Variants in STXBP5L observed in about 807,000 individuals in gnomAD.
The protein encoded by STXBP5L is syntaxin binding protein 5L.
In STXBP5L, 65 loss-of-function variants were observed where a neutral mutation model predicts 144.5. The ratio of observed to expected loss-of-function variants is 0.45; its 90% CI spans 0.37 to 0.55. The LOEUF is 0.55. Ranked by LOEUF, STXBP5L falls within the 20% of genes least tolerant of loss-of-function variation. The pLI is 0.00. For synonymous variants in STXBP5L, 505 were observed against 469.6 expected, an observed-to-expected ratio of 1.08 and a Z score of -0.97; for missense variants, 1,298 against 1,405.5, an observed-to-expected ratio of 0.92 and a Z score of 1.22.
chr3:121,018,153 G>A (rs1321724683), intron 3 of STXBP5L, among the ~76,000 whole-genome samples: 1 of 152,132 alleles, frequency 6.6e-6, no homozygotes, highest in African/African-American at 2.4e-5. Context: ...TGTCAAGATT[G>A]AGTTCTTTCC....
At chr3:121,225,106 A>G (rs962358753) in intron 11 of STXBP5L, among the ~76,000 whole-genome samples, 18 of 152,144 alleles carry the variant, frequency 1.2e-4, no homozygotes, top group African/African-American at 4.3e-4. Context: ...TAGGAGATGT[A>G]CTTTAACTCT....
At chr3:121,012,319 G>C (rs180677873) in intron 3 of STXBP5L, among the ~76,000 whole-genome samples, 2 of 151,704 alleles carry the variant, frequency 1.3e-5, no homozygotes, top group East Asian at 3.9e-4. Flanking sequence ...TTTGTCTTGG[G>C]CATGTATTCA....
chr3:121,289,177 G>A (rs1197347485), intron 19 of STXBP5L, among the ~76,000 whole-genome samples: 1 of 151,992 alleles, frequency 6.6e-6, no homozygotes, highest in Non-Finnish European at 1.5e-5. Flanking sequence ...CCATGCAAAT[G>A]GACACCAAAA....
intron 2 of STXBP5L, among the ~76,000 whole-genome samples, chr3:120,948,088 T>A (rs915100372): frequency 6.6e-6 from 1 of 151,814 alleles, no homozygotes; most frequent in Non-Finnish European, 1.5e-5. Context: ...GGGCTCCAAT[T>A]TCTTTACATC....
At chr3:121,367,784 C>G (rs1226773851) in intron 20 of STXBP5L, among the ~76,000 whole-genome samples, 1 of 34,500 alleles carries the variant, frequency 2.9e-5, no homozygotes, top group Non-Finnish European at 5.0e-5. Context: ...AATTTTTTTG[C>G]TTTTCCTTTT....
intron 9 of STXBP5L, among the ~76,000 whole-genome samples, chr3:121,173,321 A>AGT (rs2108070428): frequency 1.8e-5 from 1 of 56,856 alleles, no homozygotes; most frequent in East Asian, 7.1e-4. Context: ...CAGAACTTAA[A>AGT]ATATAATAAT....
intron 23 of STXBP5L, among the ~76,000 whole-genome samples, chr3:121,409,292 G>A (rs2047064851): frequency 6.6e-6 from 1 of 151,862 alleles, no homozygotes; most frequent in Non-Finnish European, 1.5e-5. Flanking sequence ...AGAAAGATAG[G>A]AAAGGACCAG....
At chr3:121,041,559 C>G (rs1425417694) in intron 3 of STXBP5L, 141 bp from the exon 4 acceptor site, 1 of 599,718 alleles carries the variant, frequency 1.7e-6, no homozygotes, top group Non-Finnish European at 3.0e-6. Context: ...TTTACATCTA[C>G]TAAGAGTAAG....
chr3:121,209,242 G>A (rs1041867042), intron 10 of STXBP5L, among the ~76,000 whole-genome samples: 4 of 152,072 alleles, frequency 2.6e-5, no homozygotes, highest in Admixed American at 6.6e-5. Context: ...ACATGTGCAT[G>A]TGTCTTTATA....
intron 5 of STXBP5L, among the ~76,000 whole-genome samples, chr3:121,074,204 G>A (rs570937935): frequency 6.6e-6 from 1 of 152,290 alleles, no homozygotes; most frequent in East Asian, 1.9e-4. Flanking sequence ...AGATGCCCTG[G>A]CTTTCAGGAG....
chr3:121,378,171 G>A (rs146535607), intron 20 of STXBP5L, among the ~76,000 whole-genome samples: 61 of 152,108 alleles, frequency 4.0e-4, no homozygotes, highest in African/African-American at 1.3e-3. Flanking sequence ...GCCTGTCGGG[G>A]GGTGGGGGGA....
intron 5 of STXBP5L, among the ~76,000 whole-genome samples, chr3:121,114,378 C>G (rs2044140888): frequency 1.3e-5 from 2 of 151,846 alleles, no homozygotes; most frequent in Admixed American, 1.3e-4. Flanking sequence ...CTCATGTAGA[C>G]ATAGCTACCA....
intron 5 of STXBP5L, among the ~76,000 whole-genome samples, chr3:121,045,917 G>A (rs1029082691): frequency 6.6e-6 from 1 of 152,138 alleles, no homozygotes; most frequent in African/African-American, 2.4e-5. Context: ...TAGGAATGGT[G>A]AGAGATGGCA....
chr3:121,015,503 A>G (rs1945080195), intron 3 of STXBP5L, among the ~76,000 whole-genome samples: 1 of 152,174 alleles, frequency 6.6e-6, no homozygotes, highest in South Asian at 2.1e-4. Flanking sequence ...ACACTCAAAT[A>G]GTAACTTTTT....
intron 5 of STXBP5L, among the ~76,000 whole-genome samples, chr3:121,056,837 A>G (rs1948494100): frequency 6.6e-6 from 1 of 151,776 alleles, no homozygotes; most frequent in Non-Finnish European, 1.5e-5. Context: ...TACATAAGCC[A>G]AATAGAAAAC....
Position 121,363,563 on chromosome 3 carries a change from C to G in STXBP5L, c.2177-15153C>G, listed in dbSNP as rs1166479078. ...CACTGATTTCAGTGCCTCACAATTG[C>G]TGTTTTCTCCCTCCCTCCCTCCCTG... On this transcript the variant is annotated intron_variant, in intron 20 of 26. Coordinates refer to ENST00000471454, the MANE Select transcript of STXBP5L (RefSeq NM_001308330.2). Among the ~76,000 whole-genome samples the G allele has an allele frequency of 3.9e-5, 6 of 152,098 alleles. No individual in the cohort carries two copies. The East Asian group carries it at 9.6e-4, about 24-fold the overall frequency.
At chr3:121,205,611 T>C (rs1006497987) in intron 9 of STXBP5L, among the ~76,000 whole-genome samples, 13 of 152,208 alleles carry the variant, frequency 8.5e-5, no homozygotes, top group African/African-American at 3.1e-4. Context: ...ACTTATTTTG[T>C]CTTCAAACTT....
intron 3 of STXBP5L, among the ~76,000 whole-genome samples, chr3:121,030,681 A>T (rs1946303436): frequency 6.6e-6 from 1 of 152,068 alleles, no homozygotes; most frequent in Non-Finnish European, 1.5e-5. Context: ...AGTATAAAAA[A>T]CATATAAATT....
intron 18 of STXBP5L, among the ~76,000 whole-genome samples, chr3:121,271,388 T>C (rs187522274): frequency 7.9e-5 from 12 of 152,302 alleles, no homozygotes; most frequent in Admixed American, 6.5e-4. Context: ...TCCAGTACAA[T>C]GTGATGTTCA....
Sources: gnomAD v4.1 joint callset for allele counts (sites outside exome capture counted in the v4.1 genomes callset) on GRCh38, gnomAD v4.1.1 for gene constraint, MANE v1.5 for transcripts, NCBI Gene and HGNC (gene_info 2026-07-23, HGNC 2026-07-21) for gene names.